The following UBE2E2 variants were observed in gnomAD, a reference collection of about 807,000 sequenced individuals.
The protein encoded by UBE2E2 is ubiquitin-conjugating enzyme E2 E2.
Under a neutral mutation model 24.7 loss-of-function variants are expected in UBE2E2, and 6 were observed. That is an observed-to-expected ratio of 0.24 (90% confidence interval 0.13 to 0.48). The LOEUF is 0.48. UBE2E2 is among the 20% of genes least tolerant of loss of function. The probability of loss-of-function intolerance (pLI) is 0.99; values close to 1 mark genes in which losing one functional copy is unlikely to be tolerated. For missense variants in UBE2E2, 169 were observed against 245.0 expected (o/e 0.69, Z 2.07); for synonymous variants, 104 against 83.6 (o/e 1.24, Z -1.33).
rs147465112 is a variant in UBE2E2, at chr3:23,421,726, G to A, written c.228-77882G>A. On this transcript the variant is annotated intron_variant, in intron 3 of 5. Coordinates refer to ENST00000396703, the MANE Select transcript of UBE2E2 (RefSeq NM_152653.4). ...TGGCCTGGAGGCCATTGTCTTAAGT[G>A]AAATAACAGAAACAGAAAGTCAAAC... Among the ~76,000 whole-genome samples the A allele has an allele frequency of 6.5e-4, 99 of 152,342 alleles. 5 individuals carry two copies. In the East Asian group the frequency reaches 0.016, roughly 24 times the overall value.
At chr3:23,255,446 G>T (rs1028543698) in intron 3 of UBE2E2, among the ~76,000 whole-genome samples, 3 of 152,024 alleles carry the variant, frequency 2.0e-5, no homozygotes, top group African/African-American at 7.2e-5. Context: ...TTAAAATAAC[G>T]CAGTGTAGAA....
At chr3:23,455,739 A>G (rs1221252798) in intron 3 of UBE2E2, among the ~76,000 whole-genome samples, 1 of 152,348 alleles carries the variant, frequency 6.6e-6, no homozygotes, top group East Asian at 1.9e-4. Context: ...CCTAACGATC[A>G]TCTGAGCCTT....
chr3:23,490,745 T>C (rs1413100060), intron 3 of UBE2E2, among the ~76,000 whole-genome samples: 11 of 152,212 alleles, frequency 7.2e-5, no homozygotes, highest in African/African-American at 2.4e-4. Flanking sequence ...GTAGTAGTTA[T>C]TTTTTCATTT....
At chr3:23,326,523 G>T (rs540666843) in intron 3 of UBE2E2, among the ~76,000 whole-genome samples, 1 of 152,282 alleles carries the variant, frequency 6.6e-6, no homozygotes, top group South Asian at 2.1e-4. Context: ...TAGATTAAAA[G>T]AAACATTTAA....
chr3:23,211,109 A>G (rs1004237201), intron 2 of UBE2E2, among the ~76,000 whole-genome samples: 1 of 152,264 alleles, frequency 6.6e-6, no homozygotes, highest in East Asian at 1.9e-4. Context: ...AGCAGAGTAC[A>G]GTCACAGTAT....
intron 5 of UBE2E2, among the ~76,000 whole-genome samples, chr3:23,552,733 A>G (rs1471788128): frequency 6.6e-6 from 1 of 152,188 alleles, no homozygotes; most frequent in Non-Finnish European, 1.5e-5. Flanking sequence ...TCAGTTCTCC[A>G]TCAGTTGTTG....
chr3:23,374,602 A>C (rs1313871036), intron 3 of UBE2E2, among the ~76,000 whole-genome samples: 2 of 152,176 alleles, frequency 1.3e-5, no homozygotes, highest in East Asian at 3.8e-4. Flanking sequence ...ATTGGCTCTA[A>C]ATTCATGTCT....
chr3:23,523,451 TTGAAAGCTAAAAGATAGTAGTCTTATCA>T (rs1420481589), intron 4 of UBE2E2, among the ~76,000 whole-genome samples: 1 of 152,230 alleles, frequency 6.6e-6, no homozygotes, highest in Non-Finnish European at 1.5e-5. Context: ...TGAATTGTAC[TTGAAAGCTAAAAGATAGTAGTCTTATCA>T]TGTAGCATGC....
intron 3 of UBE2E2, among the ~76,000 whole-genome samples, chr3:23,411,789 G>A (rs998216475): frequency 1.3e-5 from 2 of 152,076 alleles, no homozygotes; most frequent in Non-Finnish European, 2.9e-5. Context: ...TAAGTACTTA[G>A]TGTAGTACAT....
intron 3 of UBE2E2, among the ~76,000 whole-genome samples, chr3:23,482,833 AGAT>A (rs1699286389): frequency 6.6e-6 from 1 of 152,230 alleles, no homozygotes; most frequent in Non-Finnish European, 1.5e-5. Flanking sequence ...AGGTTAAAGA[AGAT>A]GATGAATGTG....
chr3:23,585,370 C>CA (rs71620785), intron 5 of UBE2E2, among the ~76,000 whole-genome samples: 39,720 of 85,946 alleles, frequency 0.46, 7,458 homozygotes, highest in Middle Eastern at 0.54. Flanking sequence ...GACCCTGTCT[C>CA]AAAAAAAAAA....
chr3:23,486,886 C>T (rs1377618580), intron 3 of UBE2E2, among the ~76,000 whole-genome samples: 1 of 152,196 alleles, frequency 6.6e-6, no homozygotes, highest in Non-Finnish European at 1.5e-5. Flanking sequence ...GCAGACTCCA[C>T]CTTGGATTGG....
chr3:23,518,305 C>G (rs367755184), intron 4 of UBE2E2, among the ~76,000 whole-genome samples: 3 of 151,944 alleles, frequency 2.0e-5, no homozygotes, highest in East Asian at 1.9e-4. Context: ...AGAGAGATTG[C>G]CTGGGATAAA....
intron 3 of UBE2E2, among the ~76,000 whole-genome samples, chr3:23,283,047 C>T (rs1434417596): frequency 6.6e-6 from 1 of 152,010 alleles, no homozygotes; most frequent in East Asian, 1.9e-4. Flanking sequence ...CCCAGTGACT[C>T]CAGAGATAGT....
At chr3:23,454,898 G>A (rs1343508572) in intron 3 of UBE2E2, among the ~76,000 whole-genome samples, 1 of 151,834 alleles carries the variant, frequency 6.6e-6, no homozygotes, top group African/African-American at 2.4e-5. Context: ...AATTTTTTTT[G>A]TCTGTTTACC....
chr3:23,336,604 T>G (rs929063494), intron 3 of UBE2E2, among the ~76,000 whole-genome samples: 11 of 152,240 alleles, frequency 7.2e-5, no homozygotes, highest in Non-Finnish European at 1.6e-4. Flanking sequence ...ATCTTTAATG[T>G]AAAATTGTAA....
Position 23,589,898 on chromosome 3 carries a change from C to T in UBE2E2, c.*67C>T, listed in dbSNP as rs1696722422. The T allele has an allele frequency of 6.8e-7, 1 of 1,478,360 alleles. No individual in the cohort carries two copies. The highest frequency in any genetic ancestry group is 1.2e-5 in the South Asian group (1 of 86,868). The allele number at this position is 1,478,360 out of a possible 1,614,324, so 91.6% of individuals were successfully genotyped here. A position where few individuals can be genotyped will look rare whatever the true frequency, so the allele number is the denominator to read the frequency against. On this transcript the variant is annotated 3_prime_UTR_variant, in exon 6 of 6. Coordinates refer to ENST00000396703, the MANE Select transcript of UBE2E2 (RefSeq NM_152653.4). This position sits in a 1 kb window ranked among gnomAD's most constrained non-coding sequence, Gnocchi z 4.1. ...TTCACCAAGTGCATCGGTAGCCCTG[C>T]CCACCCCTCCAGACCTCGGTTCTTA...
chr3:23,445,678 T>A (rs762074474), intron 3 of UBE2E2, among the ~76,000 whole-genome samples: 2 of 152,196 alleles, frequency 1.3e-5, no homozygotes, highest in Non-Finnish European at 2.9e-5. Context: ...CTGAGTTACC[T>A]GTGAATGTAA....
At chr3:23,267,048 C>T (rs1698068807) in intron 3 of UBE2E2, among the ~76,000 whole-genome samples, 2 of 151,774 alleles carry the variant, frequency 1.3e-5, no homozygotes, top group South Asian at 4.2e-4. Context: ...GGGACACATT[C>T]AAAGCAGTGT....
Sources: gnomAD v4.1 joint callset for allele counts (sites outside exome capture counted in the v4.1 genomes callset) on GRCh38, gnomAD v4.1.1 for gene constraint, Gnocchi (gnomAD v3.1) non-coding constraint, MANE v1.5 for transcripts, NCBI Gene and HGNC (gene_info 2026-07-23, HGNC 2026-07-21) for gene names.